CYTH3: variants seen among roughly 807,000 people sequenced by gnomAD.
CYTH3 encodes cytohesin-3.
A neutral mutation model predicts 55.1 loss-of-function variants in CYTH3; 23 were observed. That is an observed-to-expected ratio of 0.42 (90% CI 0.30 to 0.59). The LOEUF (loss-of-function observed/expected upper bound fraction) is 0.59. CYTH3 is among the 20% of genes least tolerant of loss of function. The pLI is 0.20. For missense variants in CYTH3, 413 were observed against 524.8 expected (o/e 0.79, Z 2.08); for synonymous variants, 249 against 194.9 (o/e 1.28, Z -2.31).
intron 1 of CYTH3, among the ~76,000 whole-genome samples, chr7:6,238,667 A>T (rs1009863744): frequency 2.0e-5 from 3 of 152,238 alleles, no homozygotes; most frequent in Non-Finnish European, 4.4e-5. Flanking sequence ...TACCATAACC[A>T]AAAGTGAATC....
In CYTH3 at chr7:6,170,310, A is replaced by T; in HGVS notation, c.823+225T>A. On this transcript the variant is annotated intron_variant, in intron 9 of 12. Transcript: ENST00000350796. This position sits in a 1 kb window ranked among gnomAD's most constrained non-coding sequence, Gnocchi z 7.8. The stretch of plus-strand genomic sequence containing the variant: ...AGCAGTTTTCTGGGACGGGCCGTGC[A>T]GCCTGGGCGCTACTCTCTGCCGCGG... 1.8e-6 allele frequency: 1 copy of T among 548,380 alleles called. No individual in the cohort carries two copies. The highest frequency in any genetic ancestry group is 3.2e-6 in the Non-Finnish European group (1 of 311,616). 34.0% of individuals were successfully genotyped at this position (548,380 alleles called of 1,614,324 possible).
chr7:6,272,195 C>A (rs1780681032), intron 1 of CYTH3, among the ~76,000 whole-genome samples: 1 of 152,116 alleles, frequency 6.6e-6, no homozygotes, highest in South Asian at 2.1e-4. Context: ...AAACCCCGGC[C>A]CGAGACTCCG....
chr7:6,236,935 A>T (rs933677802), intron 1 of CYTH3, among the ~76,000 whole-genome samples: 2 of 152,194 alleles, frequency 1.3e-5, no homozygotes, highest in Non-Finnish European at 2.9e-5. Context: ...AAAATTTACA[A>T]ATTTCCCAAT....
intron 1 of CYTH3, among the ~76,000 whole-genome samples, chr7:6,222,028 C>A (rs1322991547): frequency 1.3e-5 from 2 of 152,130 alleles, no homozygotes; most frequent in Non-Finnish European, 2.9e-5. Flanking sequence ...TTTCCTATAC[C>A]CTCGTGACCA....
intron 1 of CYTH3, among the ~76,000 whole-genome samples, chr7:6,197,754 A>G (rs1783967723): frequency 6.6e-6 from 1 of 152,214 alleles, no homozygotes; most frequent in Non-Finnish European, 1.5e-5. Flanking sequence ...TATCCATTTT[A>G]CAGTCTAAGA....
intron 1 of CYTH3, among the ~76,000 whole-genome samples, chr7:6,202,264 C>G (rs1423782316): frequency 6.6e-6 from 1 of 152,136 alleles, no homozygotes; most frequent in East Asian, 1.9e-4. Context: ...CGGAAGAGTC[C>G]CTGAGGTCCC....
intron 6 of CYTH3, chr7:6,172,581 G>C: frequency 4.4e-6 from 2 of 450,452 alleles, no homozygotes; most frequent in Non-Finnish European, 6.2e-6. Flanking sequence ...CCCATCCTGT[G>C]CCTCCATCAG....
At chr7:6,190,041 A>G (rs1014787156) in intron 2 of CYTH3, among the ~76,000 whole-genome samples, 3 of 152,204 alleles carry the variant, frequency 2.0e-5, no homozygotes, top group Admixed American at 1.3e-4. Context: ...GTCTCAAAAA[A>G]GCAAAAAGAA....
At chr7:6,242,421 G>T (rs1779698405) in intron 1 of CYTH3, among the ~76,000 whole-genome samples, 1 of 143,852 alleles carries the variant, frequency 7.0e-6, no homozygotes, top group Non-Finnish European at 1.5e-5. Flanking sequence ...CTGTTGCCCA[G>T]GCTGGAGTGC....
intron 1 of CYTH3, among the ~76,000 whole-genome samples, chr7:6,251,385 CAT>C (rs988202606): frequency 4.7e-5 from 7 of 148,442 alleles, no homozygotes; most frequent in Non-Finnish European, 1.0e-4. Flanking sequence ...GGAGGGGAGA[CAT>C]GTAGGAAGTT....
intron 1 of CYTH3, among the ~76,000 whole-genome samples, chr7:6,253,607 G>A (rs1185659161): frequency 6.6e-6 from 1 of 151,992 alleles, no homozygotes; most frequent in Admixed American, 6.6e-5. Context: ...CACAAGGTCA[G>A]GAGTTTGAGA....
intron 1 of CYTH3, among the ~76,000 whole-genome samples, chr7:6,242,068 G>T (rs1230515878): frequency 6.6e-6 from 1 of 152,000 alleles, no homozygotes; most frequent in Non-Finnish European, 1.5e-5. Context: ...GAACAGGGCA[G>T]AGGGGTTTTT....
In CYTH3 at chr7:6,169,541, T is replaced by C. The variant is rs536730868; in HGVS notation, c.823+994A>G. 6.6e-6 allele frequency among the ~76,000 whole-genome samples: 1 copy of C among 152,238 alleles called. No individual in the cohort carries two copies. The highest frequency in any genetic ancestry group is 2.1e-4 in the South Asian group (1 of 4,816). On this transcript the variant is annotated intron_variant, in intron 9 of 12. Transcript: ENST00000350796. This position sits in a 1 kb window ranked among gnomAD's most constrained non-coding sequence, Gnocchi z 4.1. ...AATTTTTAAAAAATCACCAGGATGC[T>C]CCACTCCATGTCTCACGTGCTGCCC...
chr7:6,271,836 GT>G, intron 1 of CYTH3, among the ~76,000 whole-genome samples: 1 of 152,210 alleles, frequency 6.6e-6, no homozygotes, highest in South Asian at 2.1e-4. Flanking sequence ...GCTCCACGGA[GT>G]TTTTTGCTCA....
intron 4 of CYTH3, among the ~76,000 whole-genome samples, chr7:6,180,111 G>A (rs758628011): frequency 6.6e-6 from 1 of 152,206 alleles, no homozygotes; most frequent in Non-Finnish European, 1.5e-5. Context: ...CTGCAGGTGG[G>A]AGGAGAGACA....
At chr7:6,243,955 T>C (rs946640176) in intron 1 of CYTH3, among the ~76,000 whole-genome samples, 2 of 152,262 alleles carry the variant, frequency 1.3e-5, no homozygotes, top group Admixed American at 6.5e-5. Context: ...GTTAGGAATA[T>C]ACTTGACTGT....
intron 4 of CYTH3, among the ~76,000 whole-genome samples, chr7:6,178,299 G>A (rs1783398161): frequency 6.6e-6 from 1 of 152,232 alleles, no homozygotes; most frequent in East Asian, 1.9e-4. Flanking sequence ...AAACTTTGTG[G>A]GTGGTGGCCA....
chr7:6,164,708 T>C lies in CYTH3; in HGVS notation c.*236A>G. ...CAGCCACGGCAGGAGGCCTCGAGGA[T>C]CAGTCTGGGCCACGGTACGCTCTGG... On this transcript the variant is annotated 3_prime_UTR_variant, in exon 13 of 13. Coordinates refer to ENST00000350796, the MANE Select transcript of CYTH3 (RefSeq NM_004227.4). 1 of 578,790 alleles carries C rather than the reference T, an allele frequency of 1.7e-6. No homozygotes were observed. Among genetic ancestry groups the C allele is most frequent in the South Asian group, 2.1e-5 (1 of 47,174 alleles). 35.9% of individuals were successfully genotyped at this position (578,790 alleles called of 1,614,324 possible). A position where few individuals can be genotyped will look rare whatever the true frequency, so the allele number is the denominator to read the frequency against.
At chr7:6,244,304 C>T (rs188586415) in intron 1 of CYTH3, among the ~76,000 whole-genome samples, 7 of 152,296 alleles carry the variant, frequency 4.6e-5, no homozygotes, top group East Asian at 3.9e-4. Context: ...AACTCAACTT[C>T]GTGGCAATTT....
Sources: gnomAD v4.1 joint callset for allele counts (sites outside exome capture counted in the v4.1 genomes callset) on GRCh38, gnomAD v4.1.1 for gene constraint, Gnocchi (gnomAD v3.1) non-coding constraint, MANE v1.5 for transcripts, NCBI Gene and HGNC (gene_info 2026-07-23, HGNC 2026-07-21) for gene names.